SDK1: variants seen among roughly 807,000 people sequenced by gnomAD.
SDK1 encodes the protein protein sidekick-1.
In SDK1, 157 loss-of-function variants were observed where a neutral mutation model predicts 245.5. The ratio of observed to expected loss-of-function variants is 0.64; its 90% confidence interval spans 0.56 to 0.73. The LOEUF is 0.73. Among genes scored for constraint, SDK1 ranks in the 30% least tolerant of loss-of-function variants. The probability of loss-of-function intolerance (pLI) is 0.00; values close to 1 mark genes in which losing one functional copy is unlikely to be tolerated. For missense variants in SDK1, 3,583 were observed against 3,002.3 expected (o/e 1.19, Z -4.52); for synonymous variants, 1,647 against 1,278.5 (o/e 1.29, Z -6.15).
chr7:3,451,414 G>A lies in SDK1; in HGVS notation c.298+149530G>A, dbSNP rs145194446. Among the ~76,000 whole-genome samples the A allele has an allele frequency of 2.1e-3, 313 of 152,196 alleles. 1 individual carries two copies. Among genetic ancestry groups the A allele is most frequent in the African/African-American group, 6.9e-3 (287 of 41,518 alleles). On this transcript the variant is annotated intron_variant, in intron 1 of 44. Coordinates refer to ENST00000404826, the MANE Select transcript of SDK1 (RefSeq NM_152744.4). ...TGCGTTTTTGTTTGTGAATTAAAGG[G>A]TACATTCTGAGGAAATGGAGGGAAG...
chr7:3,623,372 C>G (rs1268081366), intron 2 of SDK1, among the ~76,000 whole-genome samples: 1 of 151,280 alleles, frequency 6.6e-6, no homozygotes, highest in East Asian at 2.0e-4. Flanking sequence ...TCCTGCGTAG[C>G]TGGGACTACA....
chr7:4,179,997 C>G (rs1402916124), intron 35 of SDK1, among the ~76,000 whole-genome samples: 1 of 151,964 alleles, frequency 6.6e-6, no homozygotes, highest in Non-Finnish European at 1.5e-5. Context: ...ACACCAGGAA[C>G]CAGGGGGCTC....
chr7:4,007,182 CAAG>C (rs1321150972), intron 14 of SDK1, among the ~76,000 whole-genome samples: 1 of 152,146 alleles, frequency 6.6e-6, no homozygotes, highest in Non-Finnish European at 1.5e-5. Context: ...TGAGAGCAAT[CAAG>C]GAGGAAGTTT....
At chr7:4,237,013 C>A (rs947825788) in intron 41 of SDK1, among the ~76,000 whole-genome samples, 2 of 151,982 alleles carry the variant, frequency 1.3e-5, no homozygotes, top group African/African-American at 2.4e-5. Flanking sequence ...CTCAAGTGAT[C>A]CTCCCGCCTC....
chr7:3,337,492 CTA>C (rs1417835429), intron 1 of SDK1, among the ~76,000 whole-genome samples: 1 of 151,890 alleles, frequency 6.6e-6, no homozygotes, highest in Non-Finnish European at 1.5e-5. Context: ...AATAATCTGA[CTA>C]TAATTTCTCA....
At chr7:3,800,557 AT>A (rs1199380450) in intron 4 of SDK1, among the ~76,000 whole-genome samples, 4 of 151,660 alleles carry the variant, frequency 2.6e-5, no homozygotes, top group Non-Finnish European at 5.9e-5. Context: ...AATTTTTTGT[AT>A]TTTTACTAGA....
rs1782366346 is a variant in SDK1 at position 3,970,055 on chromosome 7, A to C, written c.1714+631A>C. The stretch of plus-strand genomic sequence containing the variant: ...TTCTGGAGCTTAAGGATTGGACCAA[A>C]TGGTCCCCCATTGCCACTTTTTAAC... On this transcript the variant is annotated intron_variant, in intron 11 of 44. Transcript: ENST00000404826. Among the ~76,000 whole-genome samples, 3 of 152,324 alleles carry C rather than the reference A, an allele frequency of 2.0e-5. No homozygotes were observed. The South Asian group carries it at 6.2e-4, about 32-fold the overall frequency.
chr7:4,141,556 G>A (rs1447111125), intron 28 of SDK1, among the ~76,000 whole-genome samples: 2 of 152,170 alleles, frequency 1.3e-5, no homozygotes, highest in East Asian at 3.9e-4. Flanking sequence ...GATTTTGAGC[G>A]AGAAGTCTTA....
At chr7:3,858,252 A>T (rs866063823) in intron 5 of SDK1, among the ~76,000 whole-genome samples, 2 of 151,962 alleles carry the variant, frequency 1.3e-5, no homozygotes, top group Non-Finnish European at 2.9e-5. Flanking sequence ...TCATTTTTTT[A>T]AAAAAACACA....
chr7:4,135,097 G>A (rs1439718397), intron 28 of SDK1, among the ~76,000 whole-genome samples: 1 of 152,210 alleles, frequency 6.6e-6, no homozygotes, highest in African/African-American at 2.4e-5. Context: ...TGTCCACTGA[G>A]CCCATCAGCT....
intron 1 of SDK1, among the ~76,000 whole-genome samples, chr7:3,337,524 AG>A (rs1780234386): frequency 6.6e-6 from 1 of 152,220 alleles, no homozygotes; most frequent in Non-Finnish European, 1.5e-5. Context: ...AAAGACAGAA[AG>A]CTGTAGATCT....
intron 5 of SDK1, among the ~76,000 whole-genome samples, chr7:3,889,100 T>C (rs1278525719): frequency 6.6e-6 from 1 of 152,186 alleles, no homozygotes; most frequent in African/African-American, 2.4e-5. Flanking sequence ...AAAAACCCAG[T>C]AGCAGCTCTT....
chr7:3,667,788 T>G (rs1783579506), intron 4 of SDK1, among the ~76,000 whole-genome samples: 2 of 152,260 alleles, frequency 1.3e-5, no homozygotes. Context: ...TTGTTCTTCT[T>G]TATTCATAAG....
rs1200407151 is a variant in SDK1 at position 4,241,872 on chromosome 7, C to T, written c.6210C>T (p.His2070=). 16 of 1,613,968 alleles carry T rather than the reference C, an allele frequency of 9.9e-6. No individual in the cohort carries two copies. The highest frequency in any genetic ancestry group is 1.3e-5 in the Non-Finnish European group (15 of 1,180,050). ...CTGCCCTGGAGCTCAGCAGCCGCCA[C>T]CTCAATGTCAAGAGCACCTTCTCCA... ...GFAALELSSR[H]LNVKSTFSKK... is the part of the protein sequence containing the mutation. Residue 2070 remains histidine (H), a synonymous_variant, in exon 43 of 45, where the codon CAC becomes CAT. Transcript: ENST00000404826.
intron 28 of SDK1, among the ~76,000 whole-genome samples, chr7:4,139,631 GTA>G (rs1256487881): frequency 6.8e-5 from 3 of 44,432 alleles, no homozygotes; most frequent in Admixed American, 4.8e-4. Flanking sequence ...GTGTGTATAT[GTA>G]TATATGTGTG....
Position 3,626,414 on chromosome 7 carries a change from A to G in SDK1, c.458+7175A>G, listed in dbSNP as rs139277881. On this transcript the variant is annotated intron_variant, in intron 2 of 44. Transcript: ENST00000404826. ...TTCAAGAGAGTTAGTAGAACAAGCT[A>G]TTTTTCTTACTGGACCAAGTCTCAA... Among the ~76,000 whole-genome samples the G allele has an allele frequency of 8.9e-4, 135 of 152,252 alleles. 2 individuals carry two copies. Among genetic ancestry groups the G allele is most frequent in the African/African-American group, 3.0e-3 (126 of 41,546 alleles).
chr7:4,222,165 T>C (rs569523404), intron 40 of SDK1, among the ~76,000 whole-genome samples: 3 of 152,322 alleles, frequency 2.0e-5, no homozygotes, highest in East Asian at 3.9e-4. Context: ...AGTCTAATAC[T>C]TAAACAGGCT....
At chr7:3,479,421 C>CAAAAAAAAA (rs56094646) in intron 1 of SDK1, among the ~76,000 whole-genome samples, 1 of 66,572 alleles carries the variant, frequency 1.5e-5, no homozygotes, top group Non-Finnish European at 2.7e-5. Flanking sequence ...GACTGTGTCT[C>CAAAAAAAAA]AAAAAAAAAA....
intron 1 of SDK1, among the ~76,000 whole-genome samples, chr7:3,467,414 C>G (rs1166387574): frequency 1.3e-5 from 2 of 151,424 alleles, no homozygotes; most frequent in East Asian, 3.9e-4. Flanking sequence ...AAATATAAAA[C>G]CAAAAATGTA....
Sources: allele counts gnomAD v4.1 joint callset (sites outside exome capture counted in the v4.1 genomes callset), GRCh38; gene constraint gnomAD v4.1.1; transcripts MANE v1.5; gene names NCBI Gene and HGNC (gene_info 2026-07-23, HGNC 2026-07-21).